Variants in TTYH1 observed in about 807,000 individuals in gnomAD.
TTYH1 encodes tweety family member 1.
A neutral mutation model predicts 61.2 loss-of-function variants in TTYH1; 33 were observed. The ratio of observed to expected loss-of-function variants is 0.54; its 90% CI spans 0.41 to 0.72. TTYH1 has a LOEUF of 0.72. Ranked by LOEUF, TTYH1 falls within the 30% of genes least tolerant of loss-of-function variation. The probability of loss-of-function intolerance (pLI) is 0.00; values close to 1 mark genes in which losing one functional copy is unlikely to be tolerated. For missense variants in TTYH1, 538 were observed against 575.8 expected, an observed-to-expected ratio of 0.93 and a Z score of 0.67; for synonymous variants, 308 against 266.4, an observed-to-expected ratio of 1.16 and a Z score of -1.52.
chr19:54,418,109 G>A (rs1209362091), intron 1 of TTYH1, among the ~76,000 whole-genome samples: 1 of 152,060 alleles, frequency 6.6e-6, no homozygotes, highest in East Asian at 1.9e-4. Context: ...AAGTCCAGAG[G>A]TGTGACTCTG....
rs757779790 is a variant in TTYH1 at position 54,426,686 on chromosome 19, G to A, written c.652G>A (p.Val218Ile). The change falls in exon 5 of 14, where the codon GTC becomes ATC. Residue 218 changes from valine to isoleucine, a missense_variant. Physicochemically the swap from Val to Ile is conservative, Grantham distance 29 (BLOSUM62 3). Coordinates refer to ENST00000376530, the MANE Select transcript of TTYH1 (RefSeq NM_020659.4). Reference protein sequence around the residue: ...FVEEYRWLAYVLLLLLELLVC... With the variant: ...FVEEYRWLAYILLLLLELLVC... ...CTCCCCTCCCAGGTGGCTGGCCTACGTCCTCCTGCTGCTCCTGGAGCTGCT... is the reference window on the plus strand; with the variant it reads ...CTCCCCTCCCAGGTGGCTGGCCTACATCCTCCTGCTGCTCCTGGAGCTGCT... The A allele has an allele frequency of 8.7e-6, 14 of 1,613,772 alleles. No homozygotes were observed. Among genetic ancestry groups the A allele is most frequent in the Middle Eastern group, 1.7e-4 (1 of 5,964 alleles).
intron 5 of TTYH1, among the ~76,000 whole-genome samples, chr19:54,427,058 G>C (rs1180652821): frequency 1.3e-5 from 2 of 152,008 alleles, no homozygotes; most frequent in African/African-American, 4.8e-5. Context: ...CAGCACTTTA[G>C]GAGGCCGAGG....
chr19:54,417,302 T>C (rs774870949), intron 1 of TTYH1, among the ~76,000 whole-genome samples: 2 of 148,560 alleles, frequency 1.3e-5, no homozygotes, highest in Non-Finnish European at 3.0e-5. Flanking sequence ...CACACTCACA[T>C]GCACACTCAC....
chr19:54,422,957 G>A (rs142944316), intron 4 of TTYH1, among the ~76,000 whole-genome samples: 167 of 143,594 alleles, frequency 1.2e-3, no homozygotes, highest in African/African-American at 3.8e-3. Flanking sequence ...AAAAAGATGA[G>A]GTTGAGAAAC....
Position 54,419,115 on chromosome 19 carries a change from C to A in TTYH1, c.127-13C>A. The A allele has an allele frequency of 3.1e-6, 5 of 1,604,102 alleles. No individual in the cohort carries two copies. The highest frequency in any genetic ancestry group is 4.3e-6 in the Non-Finnish European group (5 of 1,174,432). ...GGGTGCCCTCGGAGGTCTGATGTCA[C>A]CCCCTTCCCCAGGCCTTGTTGCTGG... is the stretch of plus-strand genomic sequence containing the variant. On this transcript the variant is annotated splice_polypyrimidine_tract_variant and intron_variant, in intron 1 of 13. Transcript: ENST00000376530. The surrounding 1 kb of genome is among the most constrained non-coding windows in gnomAD (Gnocchi z 6.1).
In TTYH1 at chr19:54,416,589, T is replaced by C; in HGVS notation, c.126+911T>C. On this transcript the variant is annotated intron_variant, in intron 1 of 13. Coordinates refer to ENST00000376530, the MANE Select transcript of TTYH1 (RefSeq NM_020659.4). The surrounding 1 kb of genome is among the most constrained non-coding windows in gnomAD (Gnocchi z 7.0). ...GGGCCTGAGCCCCTGGGCTCCGTCTTGGGTTGCTCCTGGGAGAAGGGGGCT... is the reference window on the plus strand; with the variant it reads ...GGGCCTGAGCCCCTGGGCTCCGTCTCGGGTTGCTCCTGGGAGAAGGGGGCT... 2.3e-6 allele frequency: 1 copy of C among 439,350 alleles called. No individual in the cohort carries two copies. Among genetic ancestry groups the C allele is most frequent in the Non-Finnish European group, 3.8e-6 (1 of 263,334 alleles). 27.2% of individuals were successfully genotyped at this position (439,350 alleles called of 1,614,324 possible).
rs768504831 is a variant in TTYH1 at position 54,428,250 on chromosome 19, T to C, written c.735-1057T>C. ...GATTACAGGCGTATGCCACCAAACC[T>C]GTCTAATTTTGTATTTTTAGTAGAG... On this transcript the variant is annotated intron_variant, in intron 5 of 13. Coordinates refer to ENST00000376530, the MANE Select transcript of TTYH1 (RefSeq NM_020659.4). 6.9e-4 allele frequency among the ~76,000 whole-genome samples: 105 copies of C among 151,886 alleles called. 1 individual carries two copies. Among genetic ancestry groups the C allele is most frequent in the Non-Finnish European group, 1.1e-3 (76 of 67,942 alleles).
intron 5 of TTYH1, among the ~76,000 whole-genome samples, chr19:54,428,626 G>C (rs976898948): frequency 7.9e-5 from 12 of 152,188 alleles, no homozygotes; most frequent in African/African-American, 2.9e-4. Context: ...ATTTGAACCA[G>C]ACAGGCCATT....
chr19:54,436,144 C>G lies in TTYH1; in HGVS notation c.*15C>G. On this transcript the variant is annotated 3_prime_UTR_variant, in exon 13 of 14. Transcript: ENST00000376530. This position sits in a 1 kb window ranked among gnomAD's most constrained non-coding sequence, Gnocchi z 4.3. ...CGTCTATCTGAGCCCCTCCTCCCGGCTGGACTGGAGCCTGGCTCCCCTCTT... is the reference window on the plus strand; with the variant it reads ...CGTCTATCTGAGCCCCTCCTCCCGGGTGGACTGGAGCCTGGCTCCCCTCTT... 11 of 1,614,136 alleles carry G rather than the reference C, an allele frequency of 6.8e-6. No individual in the cohort carries two copies. The highest frequency in any genetic ancestry group is 9.3e-6 in the Non-Finnish European group (11 of 1,179,986).
rs553843392 is a variant in TTYH1, at chr19:54,422,281, C to T, written c.509C>T (p.Ala170Val). 3.0e-5 allele frequency: 47 copies of T among 1,567,244 alleles called. No individual in the cohort carries two copies. The South Asian group carries it at 5.0e-4, about 17-fold the overall frequency. The change falls in exon 4 of 14, where the codon GCT becomes GTT. Residue 170 changes from alanine (A) to valine (V), a missense_variant. Physicochemically the swap from Ala to Val is moderately conservative, Grantham distance 64 (BLOSUM62 0). This residue lies in a region of TTYH1 where 378 missense variants were observed against 401.2 expected (regional missense o/e 0.94). Coordinates refer to ENST00000376530, the MANE Select transcript of TTYH1 (RefSeq NM_020659.4). ...EVLEPRTELV[A>V]AARGARRQAE... is the part of the protein sequence containing the mutation. ...CTCGAGCCGCGCACGGAGCTGGTGG[C>T]TGCCGCCCGAGGGGCTCGACGGCAG...
At chr19:54,435,245 G>C in intron 10 of TTYH1, 1 of 382,850 alleles carries the variant, frequency 2.6e-6, no homozygotes, top group East Asian at 4.1e-5. Context: ...TGCTGACTGG[G>C]GAGGACCCAT....
intron 4 of TTYH1, 165 bp from the exon 5 acceptor site, chr19:54,426,508 C>A: frequency 1.5e-6 from 1 of 653,472 alleles, no homozygotes; most frequent in South Asian, 1.8e-5. Context: ...TCACAGAGGA[C>A]CTGGGCTGTG....
Position 54,429,223 on chromosome 19 carries a change from C to A in TTYH1, c.735-84C>A. 2 of 1,270,836 alleles carry A rather than the reference C, an allele frequency of 1.6e-6. No homozygotes were observed. The highest frequency in any genetic ancestry group is 1.2e-5 in the South Asian group (1 of 82,114). The allele number at this position is 1,270,836 out of a possible 1,614,324, so 78.7% of individuals were successfully genotyped here. On this transcript the variant is annotated intron_variant, in intron 5 of 13. Transcript: ENST00000376530. The surrounding 1 kb of genome is among the most constrained non-coding windows in gnomAD (Gnocchi z 5.1). ...TCCAGAGGTGGGTGGAGGTGGGGGG[C>A]GGCTGTGATGGGATTTGGGGTGTGG...
intron 4 of TTYH1, among the ~76,000 whole-genome samples, chr19:54,424,689 C>T (rs1049467099): frequency 6.6e-6 from 1 of 152,184 alleles, no homozygotes; most frequent in African/African-American, 2.4e-5. Flanking sequence ...TGCACCACTG[C>T]GAAAGCACCC....
intron 12 of TTYH1, 106 bp from the exon 13 acceptor site, chr19:54,435,985 G>A: frequency 1.3e-6 from 2 of 1,575,944 alleles, no homozygotes; most frequent in Admixed American, 3.4e-5. Context: ...GAGGGGCTGG[G>A]GCCCGGACTC....
At chr19:54,417,627 TTATA>T (rs10566959) in intron 1 of TTYH1, among the ~76,000 whole-genome samples, 7 of 151,400 alleles carry the variant, frequency 4.6e-5, no homozygotes, top group Admixed American at 2.6e-4. Flanking sequence ...CACACTGCAC[TTATA>T]TATATATGCT....
In TTYH1 at chr19:54,430,803, CT is replaced by C; in HGVS notation, c.940-7del. On this transcript the variant is annotated splice_polypyrimidine_tract_variant and intron_variant, in intron 8 of 13. Transcript: ENST00000376530. Reference sequence around the variant, plus strand: ...CCTGGGTCCTCCTCCCTCCCTTTCTCTTTCTGCAGAGGCTGACTCTGTCCCA... The same window carrying C: ...CCTGGGTCCTCCTCCCTCCCTTTCTCTTCTGCAGAGGCTGACTCTGTCCCA... 3 of 1,613,622 alleles carry C rather than the reference CT, an allele frequency of 1.9e-6. No individual in the cohort carries two copies. Among genetic ancestry groups the C allele is most frequent in the Non-Finnish European group, 2.5e-6 (3 of 1,179,804 alleles).
In TTYH1 at chr19:54,420,857, C is replaced by T; in HGVS notation, c.306-420C>T. On this transcript the variant is annotated intron_variant, in intron 2 of 13. Coordinates refer to ENST00000376530, the MANE Select transcript of TTYH1 (RefSeq NM_020659.4). The surrounding 1 kb of genome is among the most constrained non-coding windows in gnomAD (Gnocchi z 4.8). Reference sequence around the variant, plus strand: ...GGTTGGCACTGCAGGCCCCAAGGACCCTAGGGCACCCTAGGACAGGTGCCA... The same window carrying T: ...GGTTGGCACTGCAGGCCCCAAGGACTCTAGGGCACCCTAGGACAGGTGCCA... The T allele has an allele frequency of 4.2e-6, 1 of 238,352 alleles. No homozygotes were observed. Among genetic ancestry groups the T allele is most frequent in the Non-Finnish European group, 9.1e-6 (1 of 109,432 alleles). 14.8% of individuals were successfully genotyped at this position (238,352 alleles called of 1,614,324 possible). A position where few individuals can be genotyped will look rare whatever the true frequency, so the allele number is the denominator to read the frequency against.
rs202113660 is a variant in TTYH1 at position 54,429,868 on chromosome 19, G to A, written c.808-14G>A. On this transcript the variant is annotated splice_polypyrimidine_tract_variant and intron_variant, in intron 6 of 13. Coordinates refer to ENST00000376530, the MANE Select transcript of TTYH1 (RefSeq NM_020659.4). The surrounding 1 kb of genome is among the most constrained non-coding windows in gnomAD (Gnocchi z 5.1). ...AGTTTTGGGTTTGAGCCCCTTTTCT[G>A]CTGCCTCACGCAGGGCCTCAGTGAC... 7 of 1,613,268 alleles carry A rather than the reference G, an allele frequency of 4.3e-6. No individual in the cohort carries two copies. Among genetic ancestry groups the A allele is most frequent in the Admixed American group, 1.7e-5 (1 of 59,896 alleles).
Sources: allele counts gnomAD v4.1 joint callset (sites outside exome capture counted in the v4.1 genomes callset), GRCh38; gene constraint gnomAD v4.1.1; regional missense constraint gnomAD v4.1.1; non-coding constraint Gnocchi (gnomAD v3.1); transcripts MANE v1.5; gene names NCBI Gene and HGNC (gene_info 2026-07-23, HGNC 2026-07-21).